CDC42BPG: variants seen among roughly 807,000 people sequenced by gnomAD.
CDC42BPG encodes the protein CDC42 binding protein kinase gamma.
In CDC42BPG, 157 loss-of-function variants were observed where a neutral mutation model predicts 192.2. The ratio of observed to expected loss-of-function variants is 0.82; its 90% CI spans 0.72 to 0.93. CDC42BPG has a LOEUF of 0.93. Ranked by LOEUF, CDC42BPG falls within the 40% of genes least tolerant of loss-of-function variation. The probability of loss-of-function intolerance (pLI) is 0.00; values close to 1 mark genes in which losing one functional copy is unlikely to be tolerated. For synonymous variants in CDC42BPG, 981 were observed against 918.5 expected (o/e 1.07, Z -1.23); for missense variants, 1,992 against 2,122.1 (o/e 0.94, Z 1.20).
chr11:64,830,089 G>A lies in CDC42BPG; in HGVS notation c.3368-19C>T. The A allele has an allele frequency of 6.2e-7, 1 of 1,612,274 alleles. No homozygotes were observed. The highest frequency in any genetic ancestry group is 8.5e-7 in the Non-Finnish European group (1 of 1,179,468). On this transcript the variant is annotated intron_variant, in intron 29 of 36. Transcript: ENST00000342711. ...AAGATGTCTGCAGGGTTGGCGAGGG[G>A]AGAGTGTCACTGGCAGGTGGTTGAA... is the stretch of plus-strand genomic sequence containing the variant.
chr11:64,831,723 T>C lies in CDC42BPG; in HGVS notation c.3088-2A>G. 2.5e-6 allele frequency: 4 copies of C among 1,588,390 alleles called. No individual in the cohort carries two copies. Among genetic ancestry groups the C allele is most frequent in the Non-Finnish European group, 3.4e-6 (4 of 1,170,900 alleles). On this transcript the variant is annotated splice_acceptor_variant, in intron 27 of 36. Coordinates refer to ENST00000342711, the MANE Select transcript of CDC42BPG (RefSeq NM_017525.3). LOFTEE classifies it high-confidence loss of function. The stretch of plus-strand genomic sequence containing the variant: ...CACTGCCAGCTGGGAGGTTGTCACC[T>C]GTGGGCAAGGACCCCAGCTGGAGGG...
chr11:64,836,670 G>A (rs1487414269), intron 11 of CDC42BPG, 69 bp downstream of exon 11: 56 of 1,120,088 alleles, frequency 5.0e-5, no homozygotes, highest in Non-Finnish European at 6.6e-5. Context: ...CTTGTCCAGG[G>A]CAGGGCAGGA....
intron 36 of CDC42BPG, among the ~76,000 whole-genome samples, chr11:64,825,190 T>C (rs776686459): frequency 2.0e-5 from 3 of 152,170 alleles, no homozygotes; most frequent in Non-Finnish European, 4.4e-5. Flanking sequence ...GTGCTGCGAT[T>C]ACAGGGGTGA....
At chr11:64,833,474 A>G (rs909549800) in intron 23 of CDC42BPG, 126 bp downstream of exon 23, 1 of 1,038,192 alleles carries the variant, frequency 9.6e-7, no homozygotes, top group Non-Finnish European at 1.4e-6. Context: ...AGGCAAGCTC[A>G]TCGCCACCAC....
Position 64,835,587 on chromosome 11 carries a change from C to T in CDC42BPG, c.1793G>A (p.Gly598Glu). ...IHTASETNGM[G>E]PPEGGPQEAQ... ...CTCCTGAGGCCCACCCTCAGGGGGT[C>T]CCATCCCGTTGGTCTCAGAGGCTGT... The change falls in exon 15 of 37, where the codon GGA (glycine) becomes GAA (glutamate). Residue 598 changes from glycine (G) to glutamate (E), a missense_variant. Gly to Glu is a moderately conservative substitution (Grantham distance 98, BLOSUM62 -2). This residue lies in a region of CDC42BPG where 1,656 missense variants were observed against 1,844.3 expected (regional missense o/e 0.90). Transcript: ENST00000342711. 1 of 1,579,108 alleles carries T rather than the reference C, an allele frequency of 6.3e-7. No individual in the cohort carries two copies. Among genetic ancestry groups the T allele is most frequent in the South Asian group, 1.1e-5 (1 of 87,324 alleles).
At chr11:64,826,145 T>C (rs571720541) in intron 36 of CDC42BPG, among the ~76,000 whole-genome samples, 1 of 151,292 alleles carries the variant, frequency 6.6e-6, no homozygotes, top group Admixed American at 6.6e-5. Context: ...TGCTGAGCCC[T>C]TCGCAGGTAT....
rs140553781 is a variant in CDC42BPG, at chr11:64,832,827, G to A, written c.2864C>T (p.Ser955Leu). The change falls in exon 25 of 37, where the codon TCG (serine) becomes TTG (leucine). Residue 955 changes from serine (S) to leucine (L), a missense_variant and splice_region_variant. Around this residue, in one of 2 missense-constraint regions of CDC42BPG, gnomAD observed 1,656 missense variants for 1,844.3 expected, o/e 0.90. Transcript: ENST00000342711. ...TCCCCTCCCTCGGCCCCCACTCACC[G>A]ACAGAAAGCCCTCATAGGCAGTGCC... ...GTGTAYEGFL[S>L]VPRPSGVRRG... The A allele has an allele frequency of 3.8e-6, 6 of 1,586,600 alleles. No homozygotes were observed. The highest frequency in any genetic ancestry group is 1.4e-5 in the African/African-American group (1 of 73,852).
chr11:64,839,340 C>CT (rs1233468844), intron 6 of CDC42BPG, 107 bp from the exon 7 acceptor site: 2 of 1,518,350 alleles, frequency 1.3e-6, no homozygotes, highest in African/African-American at 2.7e-5. Context: ...TGGCCTGCTG[C>CT]TGCCCACCTG....
intron 1 of CDC42BPG, among the ~76,000 whole-genome samples, chr11:64,843,888 G>A (rs1450762057): frequency 6.6e-6 from 1 of 152,192 alleles, no homozygotes; most frequent in Non-Finnish European, 1.5e-5. Context: ...GTTGGTGGGG[G>A]GAAGGTCTGC....
In CDC42BPG at chr11:64,831,546, CCGTTGT is replaced by C. The variant is rs759849437; in HGVS notation, c.3257_3262del (p.Asp1086_Asn1087del). On this transcript the variant is annotated inframe_deletion, in exon 28 of 37. Coordinates refer to ENST00000342711, the MANE Select transcript of CDC42BPG (RefSeq NM_017525.3). ...GAGCGTGTGAGGCAGCAGCGGCAGC[CCGTTGT>C]CGTAAGCCTCCTTGAGTGTGTACAC... 4 of 1,611,856 alleles carry C rather than the reference CCGTTGT, an allele frequency of 2.5e-6. No individual in the cohort carries two copies. The highest frequency in any genetic ancestry group is 3.4e-6 in the Non-Finnish European group (4 of 1,179,208).
At chr11:64,830,945 C>T (rs915951494) in intron 28 of CDC42BPG, among the ~76,000 whole-genome samples, 2 of 152,350 alleles carry the variant, frequency 1.3e-5, no homozygotes, top group East Asian at 1.9e-4. Context: ...CAGCTGGGCA[C>T]GGTGGCCCAT....
rs562172166 is a variant in CDC42BPG, at chr11:64,836,332, G to A, written c.1489-36C>T. The A allele has an allele frequency of 3.1e-6, 5 of 1,607,984 alleles. No homozygotes were observed. The South Asian group carries it at 5.5e-5, about 18-fold the overall frequency. On this transcript the variant is annotated intron_variant, in intron 12 of 36. Transcript: ENST00000342711. ...AGGGGAGGGAGCGGGGAAGGACAAG[G>A]CCCAGAGTCAGGCACGAACCGTCCA...
chr11:64,833,235 A>G lies in CDC42BPG; in HGVS notation c.2727T>C (p.Cys909=). The G allele has an allele frequency of 6.5e-7, 1 of 1,548,342 alleles. No individual in the cohort carries two copies. Among genetic ancestry groups the G allele is most frequent in the East Asian group, 2.4e-5 (1 of 40,916 alleles). Residue 909 remains cysteine (C), a synonymous_variant, in exon 24 of 37, where the codon TGT becomes TGC. Coordinates refer to ENST00000342711, the MANE Select transcript of CDC42BPG (RefSeq NM_017525.3). ...MLGLGRQGLG[C]DACGYFCHTT... is the part of the protein sequence containing the mutation. ...ATAGTGGGTGGGGACTCTCACCATCACAACCCAGGCCCTGGCGGCCCAGGC... is the reference window on the plus strand; with the variant it reads ...ATAGTGGGTGGGGACTCTCACCATCGCAACCCAGGCCCTGGCGGCCCAGGC...
intron 30 of CDC42BPG, among the ~76,000 whole-genome samples, chr11:64,828,681 G>A (rs530793625): frequency 2.0e-5 from 3 of 152,004 alleles, no homozygotes; most frequent in Non-Finnish European, 2.9e-5. Flanking sequence ...TTGGGAGGCC[G>A]CGCGGGAGGA....
In CDC42BPG at chr11:64,838,688, T is replaced by C; in HGVS notation, c.1091A>G (p.Asn364Ser). ...PELRGPMDTS[N>S]FDVDDDTLNH... Reference sequence around the variant, plus strand: ...GAGGGTGTCGTCATCCACATCAAAGTTGGAGGTGTCCATGGGCCCCCGCAG... The same window carrying C: ...GAGGGTGTCGTCATCCACATCAAAGCTGGAGGTGTCCATGGGCCCCCGCAG... Residue 364 changes from asparagine (N) to serine (S), a missense_variant, in exon 8 of 37, where the codon AAC becomes AGC. Coordinates refer to ENST00000342711, the MANE Select transcript of CDC42BPG (RefSeq NM_017525.3). The C allele has an allele frequency of 1.2e-5, 19 of 1,613,196 alleles. No individual in the cohort carries two copies. The highest frequency in any genetic ancestry group is 1.6e-5 in the Non-Finnish European group (19 of 1,179,992).
At chr11:64,836,401 C>A in intron 12 of CDC42BPG, 26 bp downstream of exon 12, 1 of 1,487,598 alleles carries the variant, frequency 6.7e-7, no homozygotes, top group Non-Finnish European at 9.2e-7. Flanking sequence ...CTCACCCAGC[C>A]CTCACCCACC....
In CDC42BPG at chr11:64,829,794, C is replaced by A; in HGVS notation, c.3644G>T (p.Trp1215Leu). The A allele has an allele frequency of 6.2e-7, 1 of 1,600,646 alleles. No individual in the cohort carries two copies. ...CTGCAGCTCACGGATGCGGCGCTGC[C>A]AGGGCCCAGGGCCCGGGCCCAGCTG... ...CYQLGPGPGP[W>L]QRRIRELQAP... Residue 1215 changes from tryptophan to leucine, a missense_variant, in exon 30 of 37, where the codon TGG becomes TTG. Transcript: ENST00000342711.
chr11:64,837,872 G>T (rs777529188), intron 9 of CDC42BPG, among the ~76,000 whole-genome samples: 2 of 152,196 alleles, frequency 1.3e-5, no homozygotes, highest in Non-Finnish European at 2.9e-5. Flanking sequence ...CGTGGAAGGC[G>T]CCATGAGAGC....
In CDC42BPG at chr11:64,827,281, C is replaced by T. The variant is rs1942472984; in HGVS notation, c.4268G>A (p.Arg1423His). 1.9e-6 allele frequency: 3 copies of T among 1,613,588 alleles called. No homozygotes were observed. The highest frequency in any genetic ancestry group is 1.7e-6 in the Non-Finnish European group (2 of 1,179,884). Residue 1423 changes from arginine to histidine, a missense_variant, in exon 33 of 37, where the codon CGC becomes CAC. Physicochemically the swap from Arg to His is conservative, Grantham distance 29. Coordinates refer to ENST00000342711, the MANE Select transcript of CDC42BPG (RefSeq NM_017525.3). ...RVSEEQQKQQ[R>H]REMLKDPFVR... ...CCCCCGCGTCGTGCACGCGCACCTG[C>T]GCTGCTGCTTCTGCTGCTCCTCCGA... is the stretch of plus-strand genomic sequence containing the variant.
Sources: allele counts gnomAD v4.1 joint callset (sites outside exome capture counted in the v4.1 genomes callset), GRCh38; gene constraint gnomAD v4.1.1; regional missense constraint gnomAD v4.1.1; transcripts MANE v1.5; gene names NCBI Gene and HGNC (gene_info 2026-07-23, HGNC 2026-07-21).